The following SPIN1 variants were observed in gnomAD, a reference collection of about 807,000 sequenced individuals.
SPIN1 encodes the protein spindlin 1, also known as spindlin-1.
Under a neutral mutation model 26.0 loss-of-function variants are expected in SPIN1, and 3 were observed. That is an observed-to-expected ratio of 0.12 (90% confidence interval 0.05 to 0.30). The LOEUF is 0.30. Among genes scored for constraint, SPIN1 ranks in the 10% least tolerant of loss-of-function variants. The pLI is 1.00. For missense variants in SPIN1, 126 were observed against 333.4 expected (o/e 0.38, Z 4.84); for synonymous variants, 101 against 116.5 (o/e 0.87, Z 0.86).
intron 2 of SPIN1, 22 bp from the exon 3 acceptor site, chr9:88,448,912 CATTGACT>C (rs758009413): frequency 6.2e-7 from 1 of 1,609,218 alleles, no homozygotes; most frequent in Non-Finnish European, 8.5e-7. Flanking sequence ...ATCTGGTTTT[CATTGACT>C]ATATACTCAT....
intron 1 of SPIN1, among the ~76,000 whole-genome samples, chr9:88,395,639 G>A (rs1827037161): frequency 6.6e-6 from 1 of 151,882 alleles, no homozygotes. Flanking sequence ...GTAGAGATGA[G>A]GTCTCACAGT....
chr9:88,439,891 T>C (rs549310625), intron 2 of SPIN1, among the ~76,000 whole-genome samples: 1 of 152,234 alleles, frequency 6.6e-6, no homozygotes, highest in African/African-American at 2.4e-5. Context: ...GGATTTCTTG[T>C]ATCTAGCATG....
At chr9:88,434,885 C>A (rs1827968728) in intron 2 of SPIN1, among the ~76,000 whole-genome samples, 2 of 151,988 alleles carry the variant, frequency 1.3e-5, no homozygotes, top group Admixed American at 1.3e-4. Context: ...AACCTCACAT[C>A]TACTGAAAAT....
chr9:88,412,139 A>G (rs149296284), intron 1 of SPIN1, among the ~76,000 whole-genome samples: 8,527 of 152,094 alleles, frequency 0.056, 707 homozygotes, highest in African/African-American at 0.18. Context: ...AGATCATGCC[A>G]CTGCACTCCA....
intron 1 of SPIN1, among the ~76,000 whole-genome samples, chr9:88,393,445 G>GGT (rs1826976752): frequency 1.1e-5 from 1 of 88,428 alleles, no homozygotes; most frequent in African/African-American, 5.6e-5. Context: ...TTGCTTTTGG[G>GGT]TTTTTTTTTT....
intron 2 of SPIN1, among the ~76,000 whole-genome samples, chr9:88,437,298 G>C (rs1458268648): frequency 1.3e-5 from 2 of 151,880 alleles, no homozygotes; most frequent in African/African-American, 4.8e-5. Context: ...GAGAATTCTA[G>C]ATCAGCCTGG....
At chr9:88,443,371 T>C (rs1307934054) in intron 2 of SPIN1, among the ~76,000 whole-genome samples, 1 of 152,212 alleles carries the variant, frequency 6.6e-6, no homozygotes, top group Non-Finnish European at 1.5e-5. Context: ...AAAGGCACTC[T>C]TTGCTTCTGT....
chr9:88,464,405 T>C (rs1397896050), intron 4 of SPIN1, among the ~76,000 whole-genome samples: 1 of 152,204 alleles, frequency 6.6e-6, no homozygotes, highest in Non-Finnish European at 1.5e-5. Context: ...TAGAGTATAA[T>C]TAAAATTATG....
At position 88,445,060 on chromosome 9, in the gene SPIN1, A is replaced by G. The variant is rs1828218708; in HGVS notation, c.53-3881A>G. On this transcript the variant is annotated intron_variant, in intron 2 of 5. Coordinates refer to ENST00000375859, the MANE Select transcript of SPIN1 (RefSeq NM_006717.3). Reference sequence around the variant, plus strand: ...ATGGGAATGTTGACTCTGGGGACATAGGGGGATGTTTGGCATTTGAGGCAC... The same window carrying G: ...ATGGGAATGTTGACTCTGGGGACATGGGGGGATGTTTGGCATTTGAGGCAC... Among the ~76,000 whole-genome samples, 4 of 152,268 alleles carry G rather than the reference A, an allele frequency of 2.6e-5. No individual in the cohort carries two copies. In the South Asian group the frequency reaches 8.3e-4, roughly 32 times the overall value.
intron 1 of SPIN1, among the ~76,000 whole-genome samples, chr9:88,389,830 T>G (rs543018600): frequency 6.6e-6 from 1 of 152,320 alleles, no homozygotes; most frequent in African/African-American, 2.4e-5. Context: ...AACTTGGAGA[T>G]TTATACCTGG....
intron 1 of SPIN1, among the ~76,000 whole-genome samples, chr9:88,424,282 A>G (rs1208955341): frequency 6.6e-6 from 1 of 152,196 alleles, no homozygotes. Context: ...TTCCTAGCCA[A>G]TAGCAAGCCT....
intron 1 of SPIN1, among the ~76,000 whole-genome samples, chr9:88,418,625 T>G (rs1480465091): frequency 6.6e-6 from 1 of 152,250 alleles, no homozygotes; most frequent in African/African-American, 2.4e-5. Flanking sequence ...CAACAAATAC[T>G]TTGATATGAC....
At chr9:88,392,734 C>T (rs1456928584) in intron 1 of SPIN1, among the ~76,000 whole-genome samples, 4 of 151,996 alleles carry the variant, frequency 2.6e-5, no homozygotes, top group African/African-American at 7.3e-5. Flanking sequence ...GAACACCTAC[C>T]TCATCAGGGG....
At chr9:88,390,055 G>A (rs550152555) in intron 1 of SPIN1, among the ~76,000 whole-genome samples, 27 of 152,236 alleles carry the variant, frequency 1.8e-4, no homozygotes, top group African/African-American at 6.5e-4. Flanking sequence ...AGAATTATAG[G>A]TAGTAGATCC....
At chr9:88,424,059 C>T (rs565409246) in intron 1 of SPIN1, among the ~76,000 whole-genome samples, 50 of 152,252 alleles carry the variant, frequency 3.3e-4, no homozygotes, top group African/African-American at 1.1e-3. Flanking sequence ...TGAACCACTG[C>T]GCCTGGCCTT....
chr9:88,461,835 A>T (rs1171658804), intron 3 of SPIN1, among the ~76,000 whole-genome samples: 1 of 152,208 alleles, frequency 6.6e-6, no homozygotes, highest in Non-Finnish European at 1.5e-5. Context: ...GCCAGAAAAA[A>T]AGTAGTTTGA....
intron 2 of SPIN1, among the ~76,000 whole-genome samples, chr9:88,447,211 A>G (rs567360684): frequency 6.6e-6 from 1 of 152,030 alleles, no homozygotes. Flanking sequence ...CAGATTATGT[A>G]TTTTTCACTA....
intron 2 of SPIN1, among the ~76,000 whole-genome samples, chr9:88,433,408 C>T (rs1827925184): frequency 6.6e-6 from 1 of 152,096 alleles, no homozygotes; most frequent in African/African-American, 2.4e-5. Context: ...AATAGCCTTT[C>T]TAGTGTTAGC....
intron 4 of SPIN1, 80 bp downstream of exon 4, chr9:88,462,829 A>C: frequency 7.0e-7 from 1 of 1,422,062 alleles, no homozygotes; most frequent in African/African-American, 1.4e-5. Flanking sequence ...TTACATTATT[A>C]ATACTTCACT....
Sources: gnomAD v4.1 joint callset for allele counts (sites outside exome capture counted in the v4.1 genomes callset) on GRCh38, gnomAD v4.1.1 for gene constraint, MANE v1.5 for transcripts, NCBI Gene and HGNC (gene_info 2026-07-23, HGNC 2026-07-21) for gene names.